VSTM2L: variants seen among roughly 807,000 people sequenced by gnomAD.
VSTM2L encodes the protein V-set and transmembrane domain containing 2 like, also known as V-set and transmembrane domain-containing protein 2-like protein.
A neutral mutation model predicts 19.9 loss-of-function variants in VSTM2L; 9 were observed. The ratio of observed to expected loss-of-function variants is 0.45; its 90% CI spans 0.27 to 0.79. VSTM2L has a LOEUF of 0.79. Ranked by LOEUF, VSTM2L falls within the 30% of genes least tolerant of loss-of-function variation. VSTM2L has a pLI of 0.15. For missense variants in VSTM2L, 286 were observed against 295.5 expected, an observed-to-expected ratio of 0.97 and a Z score of 0.24; for synonymous variants, 127 against 133.8, an observed-to-expected ratio of 0.95 and a Z score of 0.35.
At chr20:37,924,063 CCT>C (rs1181381039) in intron 1 of VSTM2L, among the ~76,000 whole-genome samples, 1 of 151,916 alleles carries the variant, frequency 6.6e-6, no homozygotes, top group African/African-American at 2.4e-5. Context: ...ATAGCGAGAC[CCT>C]GTCTCTACAA....
At chr20:37,938,018 C>T (rs994759331) in intron 3 of VSTM2L, among the ~76,000 whole-genome samples, 4 of 152,006 alleles carry the variant, frequency 2.6e-5, no homozygotes, top group East Asian at 1.9e-4. Context: ...TGGGGACCAT[C>T]AAAGAGTTTA....
At chr20:37,916,602 G>C (rs2072819866) in intron 1 of VSTM2L, among the ~76,000 whole-genome samples, 1 of 152,240 alleles carries the variant, frequency 6.6e-6, no homozygotes, top group Admixed American at 6.5e-5. Context: ...CGGGGTGTCT[G>C]GCAGGGAACC....
At chr20:37,914,398 A>ATGTGTGGGGGGAGTATTTGGGTG (rs2072801727) in intron 1 of VSTM2L, among the ~76,000 whole-genome samples, 1 of 816 alleles carries the variant, frequency 1.2e-3, no homozygotes, top group African/African-American at 5.2e-3. Context: ...GGGTGTGTGT[A>ATGTGTGGGGGGAGTATTTGGGTG]TGTATGTGTG....
At position 37,944,846 on chromosome 20, in the gene VSTM2L, T is replaced by A. The variant is rs1600578892; in HGVS notation, c.*593T>A. On this transcript the variant is annotated 3_prime_UTR_variant, in exon 4 of 4. Coordinates refer to ENST00000373461, the MANE Select transcript of VSTM2L (RefSeq NM_080607.3). ...AGATGCCCCACCACCTCCTGGCGAG[T>A]CCTTCCTGTTCAGCTCCCTGTGCGA... 3.0e-6 allele frequency: 3 copies of A among 985,634 alleles called. No homozygotes were observed. In the East Asian group the frequency reaches 3.4e-4, roughly 112 times the overall value. 61.1% of individuals were successfully genotyped at this position (985,634 alleles called of 1,614,324 possible).
chr20:37,939,170 C>T (rs903903427), intron 3 of VSTM2L, among the ~76,000 whole-genome samples: 6 of 151,968 alleles, frequency 3.9e-5, no homozygotes, highest in South Asian at 2.1e-4. Flanking sequence ...TTTGGGAGGC[C>T]GAGGCAGGAG....
chr20:37,932,173 G>A (rs567521424), intron 2 of VSTM2L, among the ~76,000 whole-genome samples: 2 of 152,288 alleles, frequency 1.3e-5, no homozygotes, highest in Non-Finnish European at 2.9e-5. Flanking sequence ...CCACTTCTCC[G>A]GGCCACACGG....
chr20:37,938,415 G>A (rs2072952463), intron 3 of VSTM2L, among the ~76,000 whole-genome samples: 1 of 152,196 alleles, frequency 6.6e-6, no homozygotes, highest in South Asian at 2.1e-4. Context: ...GGGGCAGGAG[G>A]CATCTGACCC....
intron 3 of VSTM2L, among the ~76,000 whole-genome samples, chr20:37,936,227 TACCGGTG>T (rs150646515): frequency 0.025 from 3,741 of 152,064 alleles, 146 homozygotes; most frequent in African/African-American, 0.083. Context: ...CACATATGCG[TACCGGTG>T]ACATGACGTG....
At chr20:37,933,646 T>TAA in intron 3 of VSTM2L, 57 bp downstream of exon 3, 2 of 1,556,172 alleles carry the variant, frequency 1.3e-6, no homozygotes, top group Non-Finnish European at 1.8e-6. Context: ...AGCTGTGACT[T>TAA]AAAAAAAAAT....
At chr20:37,908,741 T>C (rs1480675720) in intron 1 of VSTM2L, among the ~76,000 whole-genome samples, 1 of 152,190 alleles carries the variant, frequency 6.6e-6, no homozygotes, top group South Asian at 2.1e-4. Context: ...AGATGGAGGT[T>C]GCAGTGAGCT....
chr20:37,918,309 G>A (rs1224264564), intron 1 of VSTM2L, among the ~76,000 whole-genome samples: 2 of 152,194 alleles, frequency 1.3e-5, no homozygotes, highest in African/African-American at 2.4e-5. Flanking sequence ...CTGGGTGCCC[G>A]CTGGTGTCCA....
At chr20:37,919,717 G>A (rs953855422) in intron 1 of VSTM2L, among the ~76,000 whole-genome samples, 8 of 152,214 alleles carry the variant, frequency 5.3e-5, no homozygotes, top group Non-Finnish European at 1.2e-4. Flanking sequence ...CCTGGAAATG[G>A]CCCCAGAGAA....
At chr20:37,942,505 G>A (rs2072978106) in intron 3 of VSTM2L, among the ~76,000 whole-genome samples, 1 of 152,182 alleles carries the variant, frequency 6.6e-6, no homozygotes. Flanking sequence ...GATGCAGGCA[G>A]CAACATGGAG....
chr20:37,923,130 G>A (rs190247139), intron 1 of VSTM2L, among the ~76,000 whole-genome samples: 4 of 152,272 alleles, frequency 2.6e-5, no homozygotes, highest in Admixed American at 2.6e-4. Context: ...TAAAGGAACC[G>A]AGGCTCTGAG....
At chr20:37,909,441 C>T (rs750975289) in intron 1 of VSTM2L, among the ~76,000 whole-genome samples, 1 of 152,092 alleles carries the variant, frequency 6.6e-6, no homozygotes, top group Non-Finnish European at 1.5e-5. Context: ...CAGGACAATG[C>T]CCGGCCCAGG....
chr20:37,943,958 C>T (rs753573678), intron 3 of VSTM2L, 23 bp from the exon 4 acceptor site: 2 of 1,147,818 alleles, frequency 1.7e-6, no homozygotes, highest in Non-Finnish European at 2.3e-6. Flanking sequence ...ATGGACAGGT[C>T]ACGGTCTCTC....
At chr20:37,909,214 C>T (rs1165009226) in intron 1 of VSTM2L, among the ~76,000 whole-genome samples, 1 of 152,232 alleles carries the variant, frequency 6.6e-6, no homozygotes, top group Non-Finnish European at 1.5e-5. Context: ...AATGCTATCC[C>T]AGCGACCCTC....
At chr20:37,936,273 C>G (rs934657906) in intron 3 of VSTM2L, among the ~76,000 whole-genome samples, 1 of 152,086 alleles carries the variant, frequency 6.6e-6, no homozygotes, top group South Asian at 2.1e-4. Context: ...TGCGGGGGCC[C>G]GGGAAACCCA....
chr20:37,903,180 G>A lies in VSTM2L; in HGVS notation c.-171G>A. 1 of 900,860 alleles carries A rather than the reference G, an allele frequency of 1.1e-6. No homozygotes were observed. The highest frequency in any genetic ancestry group is 1.4e-6 in the Non-Finnish European group (1 of 698,556). 55.8% of individuals were successfully genotyped at this position (900,860 alleles called of 1,614,324 possible). On this transcript the variant is annotated 5_prime_UTR_variant, in exon 1 of 4. Coordinates refer to ENST00000373461, the MANE Select transcript of VSTM2L (RefSeq NM_080607.3). The stretch of plus-strand genomic sequence containing the variant: ...GCTCGCTCCCCGAAGCCGGGGCTGG[G>A]CCGGAGCCGGGCGAGGGCTGGGAGC...
Sources: gnomAD v4.1 joint callset for allele counts (sites outside exome capture counted in the v4.1 genomes callset) on GRCh38, gnomAD v4.1.1 for gene constraint, MANE v1.5 for transcripts, NCBI Gene and HGNC (gene_info 2026-07-23, HGNC 2026-07-21) for gene names.